Variants in TMEM163 observed in about 807,000 individuals in gnomAD.
TMEM163 encodes transmembrane protein 163.
TMEM163 carries 17 observed loss-of-function variants against 29.3 expected under a neutral mutation model. The ratio of observed to expected loss-of-function variants is 0.58; its 90% CI spans 0.40 to 0.87. The LOEUF is 0.87. Among genes scored for constraint, TMEM163 ranks in the 40% least tolerant of loss-of-function variants. The pLI is 0.00. For missense variants in TMEM163, 303 were observed against 381.5 expected, an observed-to-expected ratio of 0.79 and a Z score of 1.71; for synonymous variants, 157 against 160.6, an observed-to-expected ratio of 0.98 and a Z score of 0.17.
rs931264181 is a variant in TMEM163, at chr2:134,667,279, T to C, written c.322+45921A>G. Among the ~76,000 whole-genome samples the C allele has an allele frequency of 2.0e-5, 3 of 152,344 alleles. No homozygotes were observed. In the East Asian group the frequency reaches 5.8e-4, roughly 29 times the overall value. On this transcript the variant is annotated intron_variant, in intron 2 of 7. Transcript: ENST00000281924. ...GCACCTGGTATTGAGAATAAAAATC[T>C]TATTCGCAGCCTTCCTTGCAGCCAG...
chr2:134,571,587 C>T (rs1681430693), intron 2 of TMEM163, among the ~76,000 whole-genome samples: 1 of 152,172 alleles, frequency 6.6e-6, no homozygotes, highest in Admixed American at 6.5e-5. Context: ...GAGGGACTCA[C>T]AGGACTCAGC....
intron 2 of TMEM163, among the ~76,000 whole-genome samples, chr2:134,700,250 A>G (rs1034382665): frequency 4.6e-5 from 7 of 152,226 alleles, no homozygotes; most frequent in Non-Finnish European, 1.0e-4. Flanking sequence ...TATGTACCCC[A>G]TCCCTCCCAT....
intron 4 of TMEM163, among the ~76,000 whole-genome samples, chr2:134,503,571 T>G (rs1027261530): frequency 6.6e-6 from 1 of 152,230 alleles, no homozygotes; most frequent in South Asian, 2.1e-4. Context: ...CTTTTGGATA[T>G]GACGTTGATA....
chr2:134,571,670 G>A (rs1203678242), intron 2 of TMEM163, among the ~76,000 whole-genome samples: 2 of 152,196 alleles, frequency 1.3e-5, no homozygotes, highest in African/African-American at 4.8e-5. Flanking sequence ...AGGAAAAGGT[G>A]CATGGAACAA....
intron 6 of TMEM163, among the ~76,000 whole-genome samples, chr2:134,462,690 T>G (rs1046231014): frequency 1.3e-4 from 20 of 152,230 alleles, no homozygotes; most frequent in African/African-American, 4.8e-4. Flanking sequence ...AAAAGCAGCC[T>G]TATTGTTGTT....
At chr2:134,678,529 G>A (rs1462527875) in intron 2 of TMEM163, among the ~76,000 whole-genome samples, 2 of 152,218 alleles carry the variant, frequency 1.3e-5, no homozygotes, top group Non-Finnish European at 1.5e-5. Flanking sequence ...CCAGGATGAG[G>A]AAAGGACTGT....
chr2:134,628,527 G>C, intron 2 of TMEM163, among the ~76,000 whole-genome samples: 1 of 152,244 alleles, frequency 6.6e-6, no homozygotes, highest in East Asian at 1.9e-4. Flanking sequence ...AGGGACTGGA[G>C]TGTGATTAGC....
intron 4 of TMEM163, among the ~76,000 whole-genome samples, chr2:134,510,116 C>T (rs901607979): frequency 4.6e-5 from 7 of 151,970 alleles, no homozygotes; most frequent in Admixed American, 2.0e-4. Context: ...GTACACATAA[C>T]GGATCTTAGA....
intron 4 of TMEM163, among the ~76,000 whole-genome samples, chr2:134,518,373 C>T (rs531210942): frequency 6.6e-6 from 1 of 152,290 alleles, no homozygotes; most frequent in African/African-American, 2.4e-5. Flanking sequence ...TGGTTTGTGC[C>T]TCAATCACTA....
At position 134,681,569 on chromosome 2, in the gene TMEM163, A is replaced by G. The variant is rs909695217; in HGVS notation, c.322+31631T>C. On this transcript the variant is annotated intron_variant, in intron 2 of 7. Coordinates refer to ENST00000281924, the MANE Select transcript of TMEM163 (RefSeq NM_030923.5). ...CCAACCCCCTACATCCCATGCAAAC[A>G]GGAATAGAAGCCTCCGTCTGTAAGT... Among the ~76,000 whole-genome samples, 3 of 151,968 alleles carry G rather than the reference A, an allele frequency of 2.0e-5. No homozygotes were observed. In the East Asian group the frequency reaches 5.8e-4, roughly 29 times the overall value.
intron 5 of TMEM163, among the ~76,000 whole-genome samples, chr2:134,483,647 G>GC (rs1202143902): frequency 6.6e-6 from 1 of 152,054 alleles, no homozygotes; most frequent in East Asian, 1.9e-4. Flanking sequence ...TAACACTCCT[G>GC]CCCCCCGGCC....
At chr2:134,565,585 G>T (rs143059721) in intron 2 of TMEM163, among the ~76,000 whole-genome samples, 1 of 151,386 alleles carries the variant, frequency 6.6e-6, no homozygotes, top group Non-Finnish European at 1.5e-5. Context: ...CAGCCTGAGC[G>T]ACTGAGGGCA....
At chr2:134,529,513 C>T (rs771863330) in intron 4 of TMEM163, among the ~76,000 whole-genome samples, 4 of 151,548 alleles carry the variant, frequency 2.6e-5, no homozygotes, top group Admixed American at 6.6e-5. Context: ...TTTGGGGGGT[C>T]AAGGCAGGTG....
intron 2 of TMEM163, among the ~76,000 whole-genome samples, chr2:134,683,707 T>C (rs934369993): frequency 1.3e-5 from 2 of 152,188 alleles, no homozygotes; most frequent in African/African-American, 4.8e-5. Flanking sequence ...AGCAGGTGTT[T>C]AGTAGACGCT....
chr2:134,681,844 CAT>C (rs1410438105), intron 2 of TMEM163, among the ~76,000 whole-genome samples: 2 of 152,218 alleles, frequency 1.3e-5, no homozygotes, highest in Non-Finnish European at 2.9e-5. Context: ...TTAGTTTTCA[CAT>C]ACCCCAAAGC....
intron 2 of TMEM163, among the ~76,000 whole-genome samples, chr2:134,707,008 C>A: frequency 6.6e-6 from 1 of 152,280 alleles, no homozygotes; most frequent in East Asian, 1.9e-4. Context: ...CCTCCTGGTC[C>A]CCACCTCTCA....
chr2:134,639,814 A>G (rs1683187973), intron 2 of TMEM163, among the ~76,000 whole-genome samples: 1 of 152,178 alleles, frequency 6.6e-6, no homozygotes, highest in Non-Finnish European at 1.5e-5. Flanking sequence ...AATATGCCCC[A>G]TGTCTCCCAG....
chr2:134,559,953 C>A (rs1423265128), intron 2 of TMEM163, among the ~76,000 whole-genome samples: 1 of 152,076 alleles, frequency 6.6e-6, no homozygotes, highest in East Asian at 1.9e-4. Context: ...ATGGAGGAAG[C>A]CTCTGTTCTC....
intron 5 of TMEM163, among the ~76,000 whole-genome samples, chr2:134,474,554 A>G (rs1420976200): frequency 6.6e-6 from 1 of 152,224 alleles, no homozygotes; most frequent in Non-Finnish European, 1.5e-5. Flanking sequence ...GATAGAAAAG[A>G]AAGAAGTAAA....
Sources: gnomAD v4.1 joint callset for allele counts (sites outside exome capture counted in the v4.1 genomes callset) on GRCh38, gnomAD v4.1.1 for gene constraint, MANE v1.5 for transcripts, NCBI Gene and HGNC (gene_info 2026-07-23, HGNC 2026-07-21) for gene names.